The following ANKIB1 variants were observed in gnomAD, a reference collection of about 807,000 sequenced individuals.
ANKIB1 encodes ankyrin repeat and IBR domain-containing protein 1.
In ANKIB1, 43 loss-of-function variants were observed where a neutral mutation model predicts 122.1. That is an observed-to-expected ratio of 0.35 (90% CI 0.28 to 0.45). The LOEUF is 0.45. Among genes scored for constraint, ANKIB1 ranks in the 20% least tolerant of loss-of-function variants. The pLI is 1.00. For missense variants in ANKIB1, 992 were observed against 1,329.5 expected, an observed-to-expected ratio of 0.75 and a Z score of 3.95; for synonymous variants, 390 against 442.0, an observed-to-expected ratio of 0.88 and a Z score of 1.48.
chr7:92,375,372 G>A (rs1804357269), intron 11 of ANKIB1, among the ~76,000 whole-genome samples: 1 of 152,174 alleles, frequency 6.6e-6, no homozygotes, highest in Non-Finnish European at 1.5e-5. Flanking sequence ...GTTAAAGTCA[G>A]TTCTCTCAAA....
chr7:92,344,403 C>T (rs1425454194), intron 6 of ANKIB1, among the ~76,000 whole-genome samples: 2 of 151,664 alleles, frequency 1.3e-5, no homozygotes, highest in African/African-American at 4.8e-5. Context: ...CAGGGTTTCA[C>T]CATGTTGGTC....
Position 92,294,885 on chromosome 7 carries a change from T to C in ANKIB1, c.-90-4T>C. 2.4e-6 allele frequency: 2 copies of C among 848,362 alleles called. No individual in the cohort carries two copies. Among genetic ancestry groups the C allele is most frequent in the Non-Finnish European group, 3.4e-6 (2 of 579,864 alleles). 52.6% of individuals were successfully genotyped at this position (848,362 alleles called of 1,614,324 possible). ...TCTAATTTGAATAACTTTTCCTTCA[T>C]TAGAATGTGAAAGATGTTGCAGAAG... On this transcript the variant is annotated splice_polypyrimidine_tract_variant and splice_region_variant and intron_variant, in intron 1 of 19. Coordinates refer to ENST00000265742, the MANE Select transcript of ANKIB1 (RefSeq NM_019004.2).
chr7:92,253,770 A>G (rs1233546815), intron 1 of ANKIB1, among the ~76,000 whole-genome samples: 1 of 152,100 alleles, frequency 6.6e-6, no homozygotes. Context: ...TCAGACACAC[A>G]CATACACACA....
intron 4 of ANKIB1, among the ~76,000 whole-genome samples, chr7:92,327,297 G>A (rs896476894): frequency 3.3e-5 from 5 of 152,158 alleles, no homozygotes; most frequent in Admixed American, 1.3e-4. Flanking sequence ...TGATAGTGGA[G>A]CATTAAAAAA....
chr7:92,318,140 TGA>T (rs1802831632), intron 3 of ANKIB1, among the ~76,000 whole-genome samples: 1 of 152,170 alleles, frequency 6.6e-6, no homozygotes, highest in African/African-American at 2.4e-5. Flanking sequence ...TAATATTAAA[TGA>T]GAGTGTGTGC....
chr7:92,317,844 C>G (rs1035762486), intron 3 of ANKIB1, among the ~76,000 whole-genome samples: 1 of 152,114 alleles, frequency 6.6e-6, no homozygotes, highest in Non-Finnish European at 1.5e-5. Flanking sequence ...AAGAAGCTAC[C>G]ATTTTGATCA....
intron 11 of ANKIB1, 141 bp downstream of exon 11, chr7:92,371,748 C>T: frequency 1.1e-6 from 1 of 950,228 alleles, no homozygotes; most frequent in Non-Finnish European, 1.5e-6. Flanking sequence ...GAGGTTGAGG[C>T]AGGAGGATCA....
intron 1 of ANKIB1, among the ~76,000 whole-genome samples, chr7:92,258,110 G>T (rs1311758950): frequency 6.6e-6 from 1 of 152,150 alleles, no homozygotes; most frequent in Non-Finnish European, 1.5e-5. Context: ...AAAATAGGAA[G>T]AAGTAAAAAG....
chr7:92,301,791 T>C (rs1223946364), intron 2 of ANKIB1, among the ~76,000 whole-genome samples: 1 of 152,204 alleles, frequency 6.6e-6, no homozygotes. Context: ...ATTTTTGTTT[T>C]AGGCAGGTTA....
chr7:92,388,549 G>A (rs977763958), intron 14 of ANKIB1, among the ~76,000 whole-genome samples: 2 of 152,200 alleles, frequency 1.3e-5, no homozygotes, highest in South Asian at 4.1e-4. Context: ...TGGAGCTAAC[G>A]TATAGGTCCT....
At chr7:92,363,404 C>T (rs1803997512) in intron 10 of ANKIB1, among the ~76,000 whole-genome samples, 1 of 151,434 alleles carries the variant, frequency 6.6e-6, no homozygotes, top group Admixed American at 6.6e-5. Flanking sequence ...AGCGAGACTC[C>T]GTCTCAAAAA....
At chr7:92,378,246 G>C (rs1804429893) in intron 11 of ANKIB1, among the ~76,000 whole-genome samples, 1 of 151,734 alleles carries the variant, frequency 6.6e-6, no homozygotes, top group Non-Finnish European at 1.5e-5. Context: ...TTTTCATTTG[G>C]AATATTTGCA....
chr7:92,294,389 C>A (rs1375447702), intron 1 of ANKIB1: 1 of 152,312 alleles, frequency 6.6e-6, no homozygotes, highest in Non-Finnish European at 1.5e-5. Context: ...CATTTTAAGT[C>A]TTTTCTGTGA....
intron 3 of ANKIB1, among the ~76,000 whole-genome samples, chr7:92,313,772 A>G (rs1395917829): frequency 6.6e-6 from 1 of 152,120 alleles, no homozygotes. Flanking sequence ...CACATTCTGA[A>G]CGTTTATCTC....
chr7:92,370,935 G>C (rs1460503033), intron 10 of ANKIB1, among the ~76,000 whole-genome samples: 2 of 152,280 alleles, frequency 1.3e-5, no homozygotes, highest in East Asian at 3.9e-4. Flanking sequence ...ATATGATAGA[G>C]AAAGAGGGTG....
chr7:92,246,948 G>A (rs770757318), intron 1 of ANKIB1, among the ~76,000 whole-genome samples: 5 of 152,234 alleles, frequency 3.3e-5, no homozygotes, highest in Non-Finnish European at 5.9e-5. Flanking sequence ...GGGGATAGGT[G>A]CAGATGGCTC....
chr7:92,293,521 G>T (rs1802292029), intron 1 of ANKIB1, among the ~76,000 whole-genome samples: 1 of 152,098 alleles, frequency 6.6e-6, no homozygotes, highest in Non-Finnish European at 1.5e-5. Flanking sequence ...TTAGTGTCCA[G>T]CCTCCCACTG....
intron 2 of ANKIB1, among the ~76,000 whole-genome samples, chr7:92,298,737 A>G (rs1263596635): frequency 6.8e-6 from 1 of 146,746 alleles, no homozygotes; most frequent in Non-Finnish European, 1.5e-5. Context: ...ATTAGTAATC[A>G]TTGTATTCAT....
intron 1 of ANKIB1, among the ~76,000 whole-genome samples, chr7:92,259,975 A>T (rs1414910899): frequency 2.6e-5 from 4 of 152,144 alleles, no homozygotes; most frequent in Admixed American, 6.6e-5. Context: ...ATCACCTTGT[A>T]CTTGGATTAG....
Sources: allele counts gnomAD v4.1 joint callset (sites outside exome capture counted in the v4.1 genomes callset), GRCh38; gene constraint gnomAD v4.1.1; transcripts MANE v1.5; gene names NCBI Gene and HGNC (gene_info 2026-07-23, HGNC 2026-07-21).